ADAMTS12: variants seen among roughly 807,000 people sequenced by gnomAD.
The protein encoded by ADAMTS12 is ADAM metallopeptidase with thrombospondin type 1 motif 12, also known as A disintegrin and metalloproteinase with thrombospondin motifs 12.
In ADAMTS12, 118 loss-of-function variants were observed where a neutral mutation model predicts 167.8. The observed-to-expected ratio is 0.70, with a 90% CI of 0.61 to 0.82. The LOEUF is 0.82. Ranked by LOEUF, ADAMTS12 falls within the 40% of genes least tolerant of loss-of-function variation. The pLI is 0.00. For missense variants in ADAMTS12, 1,916 were observed against 1,998.8 expected (o/e 0.96, Z 0.79); for synonymous variants, 704 against 716.9 (o/e 0.98, Z 0.29).
chr5:33,725,809 G>A (rs1489201394), intron 3 of ADAMTS12, among the ~76,000 whole-genome samples: 8 of 152,122 alleles, frequency 5.3e-5, no homozygotes. Flanking sequence ...AGAATCCTCT[G>A]GGAATATGTT....
At chr5:33,774,391 A>G (rs1187555130) in intron 2 of ADAMTS12, among the ~76,000 whole-genome samples, 1 of 152,124 alleles carries the variant, frequency 6.6e-6, no homozygotes, top group Non-Finnish European at 1.5e-5. Flanking sequence ...TGTGAACTAC[A>G]CTATTTTTTT....
At position 33,649,613 on chromosome 5, in the gene ADAMTS12, G is replaced by A. The variant is rs530632109; in HGVS notation, c.1275C>T (p.Tyr425=). 55 of 1,614,058 alleles carry A rather than the reference G, an allele frequency of 3.4e-5. No individual in the cohort carries two copies. In the South Asian group the frequency reaches 5.1e-4, roughly 15 times the overall value. ...TGGACCATGTCAGCGGAGTGGGATC[G>A]TACTGGAGCTGGCGGGACATGATGT... is the stretch of plus-strand genomic sequence containing the variant. ...HPYIMSRQLQ[Y]DPTPLTWSKC... is the part of the protein sequence containing the mutation. Residue 425 remains tyrosine, a synonymous_variant, in exon 8 of 24, where the codon TAC becomes TAT. Transcript: ENST00000504830.
At chr5:33,880,239 T>C (rs1750378585) in intron 2 of ADAMTS12, among the ~76,000 whole-genome samples, 1 of 152,242 alleles carries the variant, frequency 6.6e-6, no homozygotes, top group East Asian at 1.9e-4. Context: ...GTGGACAATG[T>C]ACATAAACCA....
rs370913197 is a variant in ADAMTS12 at position 33,683,117 on chromosome 5, G to C, written c.832-16C>G. The C allele has an allele frequency of 3.0e-5, 48 of 1,587,626 alleles. No homozygotes were observed. Among genetic ancestry groups the C allele is most frequent in the Non-Finnish European group, 4.1e-5 (48 of 1,158,324 alleles). ...ACCCAGTGACCTAGGGTCAGAAATA[G>C]AAAACCATTAGCTCCACACGAAGAG... On this transcript the variant is annotated splice_polypyrimidine_tract_variant and intron_variant, in intron 4 of 23. Coordinates refer to ENST00000504830, the MANE Select transcript of ADAMTS12 (RefSeq NM_030955.4).
At chr5:33,692,538 T>C (rs187017887) in intron 3 of ADAMTS12, among the ~76,000 whole-genome samples, 1 of 152,348 alleles carries the variant, frequency 6.6e-6, no homozygotes, top group East Asian at 1.9e-4. Context: ...TCAGTAACAA[T>C]ATTTTAAATA....
chr5:33,734,523 T>C (rs762535237), intron 3 of ADAMTS12, among the ~76,000 whole-genome samples: 22 of 152,234 alleles, frequency 1.4e-4, no homozygotes, highest in Non-Finnish European at 2.2e-4. Flanking sequence ...GGAAGACAGC[T>C]AACATGTTTT....
chr5:33,527,419 A>G, intron 23 of ADAMTS12, 53 bp from the exon 24 acceptor site: 7 of 1,549,806 alleles, frequency 4.5e-6, no homozygotes, highest in Middle Eastern at 1.7e-4. Flanking sequence ...TCCTTTGTGG[A>G]TATACAAGCA....
At chr5:33,889,887 G>C (rs1354740173) in intron 1 of ADAMTS12, among the ~76,000 whole-genome samples, 1 of 152,176 alleles carries the variant, frequency 6.6e-6, no homozygotes, top group Non-Finnish European at 1.5e-5. Flanking sequence ...GGGAGGCAGA[G>C]GTTGCAGTGA....
chr5:33,622,801 A>G (rs1229419171), intron 14 of ADAMTS12, among the ~76,000 whole-genome samples: 2 of 152,252 alleles, frequency 1.3e-5, no homozygotes, highest in Non-Finnish European at 2.9e-5. Context: ...AACATTGGCT[A>G]TCATAGGGTG....
intron 2 of ADAMTS12, among the ~76,000 whole-genome samples, chr5:33,837,031 G>A (rs144711737): frequency 6.6e-6 from 1 of 152,060 alleles, no homozygotes; most frequent in East Asian, 1.9e-4. Flanking sequence ...TTACAGGCTT[G>A]GACCACCATG....
intron 2 of ADAMTS12, among the ~76,000 whole-genome samples, chr5:33,879,182 A>G (rs1750337465): frequency 6.6e-6 from 1 of 152,168 alleles, no homozygotes; most frequent in South Asian, 2.1e-4. Context: ...ATTATATCTC[A>G]GTAAAGCAGC....
At chr5:33,869,886 G>A (rs1749970260) in intron 2 of ADAMTS12, among the ~76,000 whole-genome samples, 1 of 152,046 alleles carries the variant, frequency 6.6e-6, no homozygotes, top group African/African-American at 2.4e-5. Flanking sequence ...AGGAGACTAG[G>A]GCATGTTTCA....
In ADAMTS12 at chr5:33,600,634, G is replaced by A. The variant is rs139804117; in HGVS notation, c.2528-4574C>T. ...GAACATTTAATTACAGCATGTGAAAGTTTCAAGGCATTGTATACTCAATCT... is the reference window on the plus strand; with the variant it reads ...GAACATTTAATTACAGCATGTGAAAATTTCAAGGCATTGTATACTCAATCT... On this transcript the variant is annotated intron_variant, in intron 16 of 23. Transcript: ENST00000504830. 7.8e-3 allele frequency among the ~76,000 whole-genome samples: 1,192 copies of A among 152,282 alleles called. 27 individuals carry two copies. Among genetic ancestry groups the A allele is most frequent in the African/African-American group, 0.028 (1,152 of 41,550 alleles).
rs58438546 is a variant in ADAMTS12, at chr5:33,534,318, G to A, written c.4606+515C>T. On this transcript the variant is annotated intron_variant, in intron 23 of 23. Transcript: ENST00000504830. ...GAAGGCACCCTGGCTGTGTCTCCTC[G>A]TTTTCCATCCAGCTTTCTCCACTCC... 1.1e-4 allele frequency among the ~76,000 whole-genome samples: 17 copies of A among 151,594 alleles called. No homozygotes were observed. The South Asian group carries it at 2.9e-3, about 26-fold the overall frequency.
At chr5:33,650,435 T>TA (rs977130782) in intron 7 of ADAMTS12, among the ~76,000 whole-genome samples, 70 of 152,196 alleles carry the variant, frequency 4.6e-4, no homozygotes, top group African/African-American at 1.6e-3. Flanking sequence ...AGAATTTTTT[T>TA]AAAAAAACAT....
intron 3 of ADAMTS12, among the ~76,000 whole-genome samples, chr5:33,722,263 A>G (rs1033607567): frequency 1.3e-5 from 2 of 152,204 alleles, no homozygotes; most frequent in African/African-American, 4.8e-5. Context: ...AGTGATATAG[A>G]TCTTTCCAAT....
chr5:33,544,883 G>T (rs1744892785), intron 22 of ADAMTS12, among the ~76,000 whole-genome samples: 1 of 150,822 alleles, frequency 6.6e-6, no homozygotes, highest in African/African-American at 2.5e-5. Flanking sequence ...AGACTTAAAT[G>T]TTAGACCTAA....
chr5:33,612,773 C>CT (rs1194562396), intron 16 of ADAMTS12, among the ~76,000 whole-genome samples: 2 of 152,114 alleles, frequency 1.3e-5, no homozygotes, highest in East Asian at 3.9e-4. Flanking sequence ...TTTGGAAATG[C>CT]TAGAGGCAGT....
intron 22 of ADAMTS12, among the ~76,000 whole-genome samples, chr5:33,545,574 T>A (rs535620954): frequency 6.6e-6 from 1 of 152,250 alleles, no homozygotes; most frequent in African/African-American, 2.4e-5. Flanking sequence ...ATGTTTATTG[T>A]GGCACTATTC....
Sources: gnomAD v4.1 joint callset for allele counts (sites outside exome capture counted in the v4.1 genomes callset) on GRCh38, gnomAD v4.1.1 for gene constraint, MANE v1.5 for transcripts, NCBI Gene and HGNC (gene_info 2026-07-23, HGNC 2026-07-21) for gene names.